PRICKLE2: variants seen among roughly 807,000 people sequenced by gnomAD.
PRICKLE2 encodes the protein prickle planar cell polarity protein 2.
Under a neutral mutation model 81.4 loss-of-function variants are expected in PRICKLE2, and 21 were observed. That is an observed-to-expected ratio of 0.26 (90% confidence interval 0.18 to 0.37). The LOEUF is 0.37. Among genes scored for constraint, PRICKLE2 ranks in the 10% least tolerant of loss-of-function variants. PRICKLE2 has a pLI of 1.00. For synonymous variants in PRICKLE2, 456 were observed against 421.5 expected, an observed-to-expected ratio of 1.08 and a Z score of -1.00; for missense variants, 940 against 1,109.0, an observed-to-expected ratio of 0.85 and a Z score of 2.16.
upstream of PRICKLE2, among the ~76,000 whole-genome samples, chr3:64,226,201 A>G (rs1364624653): frequency 6.6e-6 from 1 of 152,208 alleles, no homozygotes; most frequent in Non-Finnish European, 1.5e-5. Flanking sequence ...GGACTTTTCT[A>G]AAGTCACACC....
chr3:64,219,345 C>G (rs1276499481), intron 1 of PRICKLE2, among the ~76,000 whole-genome samples: 1 of 152,180 alleles, frequency 6.6e-6, no homozygotes, highest in Non-Finnish European at 1.5e-5. Context: ...TAGTTAGAAC[C>G]TGATGTGCAC....
chr3:64,120,122 G>A (rs1171547694), intron 7 of PRICKLE2, among the ~76,000 whole-genome samples: 1 of 152,150 alleles, frequency 6.6e-6, no homozygotes, highest in Non-Finnish European at 1.5e-5. Flanking sequence ...CAGTACCTGG[G>A]TGACAGGAGG....
intron 2 of PRICKLE2, among the ~76,000 whole-genome samples, chr3:64,179,921 G>C (rs116838333): frequency 2.0e-5 from 3 of 152,262 alleles, no homozygotes; most frequent in Non-Finnish European, 4.4e-5. Flanking sequence ...CTAGTCAAAG[G>C]ATTACACTCT....
rs1279379196 is a variant in PRICKLE2 at position 64,096,182 on chromosome 3, G to A, written c.*2869C>T. Reference sequence around the variant, plus strand: ...AGAGGTGGGAAAAATAACAACCAGGGCATTGGAGAAGAGAGAACGCTGGAA... The same window carrying A: ...AGAGGTGGGAAAAATAACAACCAGGACATTGGAGAAGAGAGAACGCTGGAA... On this transcript the variant is annotated 3_prime_UTR_variant, in exon 8 of 8. Transcript: ENST00000638394. 2.6e-5 allele frequency: 4 copies of A among 152,210 alleles called. No homozygotes were observed. The highest frequency in any genetic ancestry group is 4.4e-5 in the Non-Finnish European group (3 of 68,064). 9.4% of individuals were successfully genotyped at this position (152,210 alleles called of 1,614,324 possible). A position where few individuals can be genotyped will look rare whatever the true frequency, so the allele number is the denominator to read the frequency against.
chr3:64,253,718 C>T (rs534831436), intron 2 of PRICKLE2, among the ~76,000 whole-genome samples: 4 of 152,278 alleles, frequency 2.6e-5, no homozygotes, highest in African/African-American at 9.6e-5. Flanking sequence ...TTAAAGAATT[C>T]TTAAACTAAG....
At chr3:64,245,590 C>A (rs1157744634) in intron 2 of PRICKLE2, among the ~76,000 whole-genome samples, 2 of 152,172 alleles carry the variant, frequency 1.3e-5, no homozygotes, top group Non-Finnish European at 2.9e-5. Flanking sequence ...TTGCACTGAG[C>A]AGTTCTGGGG....
In PRICKLE2 at chr3:64,098,776, A is replaced by G. The variant is rs2076605579; in HGVS notation, c.*275T>C. ...CAATTTACCATCTTGAGAGATGGCA[A>G]CTCAACACAGAACTGATGGGAAGGA... On this transcript the variant is annotated 3_prime_UTR_variant, in exon 8 of 8. Transcript: ENST00000638394. 1 of 470,058 alleles carries G rather than the reference A, an allele frequency of 2.1e-6. No homozygotes were observed. Among genetic ancestry groups the G allele is most frequent in the Non-Finnish European group, 3.9e-6 (1 of 257,490 alleles). The allele number at this position is 470,058 out of a possible 1,614,324, so 29.1% of individuals were successfully genotyped here.
At chr3:64,265,585 G>A (rs2079689967) in intron 2 of PRICKLE2, among the ~76,000 whole-genome samples, 1 of 152,138 alleles carries the variant, frequency 6.6e-6, no homozygotes, top group South Asian at 2.1e-4. Context: ...TGCATACACA[G>A]CTACACAAAG....
intron 1 of PRICKLE2, among the ~76,000 whole-genome samples, chr3:64,217,085 C>T (rs996250496): frequency 2.6e-5 from 4 of 152,160 alleles, no homozygotes; most frequent in African/African-American, 9.7e-5. Flanking sequence ...GGAGCACGCA[C>T]TTCATATCCC....
chr3:64,157,078 G>A, intron 5 of PRICKLE2, 84 bp downstream of exon 5: 1 of 1,287,326 alleles, frequency 7.8e-7, no homozygotes, highest in Non-Finnish European at 1.1e-6. Context: ...GCTTTCTTCA[G>A]TGCAGAAAGC....
rs1479204474 is a variant in PRICKLE2, at chr3:64,095,022, T to G, written c.*4029A>C. The G allele has an allele frequency of 6.5e-6, 1 of 152,688 alleles. No individual in the cohort carries two copies. The highest frequency in any genetic ancestry group is 1.5e-5 in the Non-Finnish European group (1 of 68,044). 9.5% of individuals were successfully genotyped at this position (152,688 alleles called of 1,614,324 possible). On this transcript the variant is annotated 3_prime_UTR_variant, in exon 8 of 8. Coordinates refer to ENST00000638394, the MANE Select transcript of PRICKLE2 (RefSeq NM_198859.4). ...ATCTTCCTTCTTAGGCTTAAGCATC[T>G]GTTTTCTGCTAGAAATACACAAAGA...
chr3:64,111,081 T>C (rs2076838592), intron 7 of PRICKLE2, among the ~76,000 whole-genome samples: 2 of 152,118 alleles, frequency 1.3e-5, no homozygotes, highest in Non-Finnish European at 2.9e-5. Context: ...ACCTTCCAGT[T>C]CTGTCCCTTG....
At chr3:64,194,831 C>A (rs1348960978) in intron 2 of PRICKLE2, among the ~76,000 whole-genome samples, 1 of 152,060 alleles carries the variant, frequency 6.6e-6, no homozygotes, top group Non-Finnish European at 1.5e-5. Context: ...TGCTTGAGGT[C>A]AGGAGTTCAA....
At chr3:64,160,146 T>C in intron 3 of PRICKLE2, 69 bp from the exon 4 acceptor site, 3 of 1,541,738 alleles carry the variant, frequency 1.9e-6, no homozygotes, top group Non-Finnish European at 2.7e-6. Context: ...AGCCCATGAC[T>C]CTGAGTTTTC....
chr3:64,198,021 C>T (rs956943191), intron 2 of PRICKLE2, among the ~76,000 whole-genome samples: 1 of 151,832 alleles, frequency 6.6e-6, no homozygotes, highest in African/African-American at 2.4e-5. Context: ...ACCATCCTGG[C>T]TATCATGGTG....
intron 5 of PRICKLE2, chr3:64,154,079 A>G (rs2077588585): frequency 6.5e-6 from 1 of 152,746 alleles, no homozygotes; most frequent in African/African-American, 2.4e-5. Context: ...ATAGATGAAT[A>G]GGTATCCAGA....
chr3:64,250,768 G>A (rs762486156), intron 2 of PRICKLE2, among the ~76,000 whole-genome samples: 2 of 152,156 alleles, frequency 1.3e-5, no homozygotes, highest in Non-Finnish European at 2.9e-5. Context: ...TCCTAGCACA[G>A]AGTGAAACCC....
chr3:64,092,804 T>C lies in PRICKLE2; in HGVS notation c.*6247A>G, dbSNP rs1343801963. The stretch of plus-strand genomic sequence containing the variant: ...AGGAACAAAGACACTAAGAAGGCAA[T>C]GCATTGAAACCAGTGGTTCTCAACA... On this transcript the variant is annotated 3_prime_UTR_variant, in exon 8 of 8. Transcript: ENST00000638394. 6.6e-6 allele frequency: 1 copy of C among 152,222 alleles called. No homozygotes were observed. Among genetic ancestry groups the C allele is most frequent in the Non-Finnish European group, 1.5e-5 (1 of 68,028 alleles). 9.4% of individuals were successfully genotyped at this position (152,222 alleles called of 1,614,324 possible). A position where few individuals can be genotyped will look rare whatever the true frequency, so the allele number is the denominator to read the frequency against.
intron 2 of PRICKLE2, among the ~76,000 whole-genome samples, chr3:64,196,450 G>T (rs1391254537): frequency 6.6e-6 from 1 of 152,152 alleles, no homozygotes; most frequent in Non-Finnish European, 1.5e-5. Context: ...TGGTAGAATG[G>T]CAATGTCAAA....
Sources: allele counts gnomAD v4.1 joint callset (sites outside exome capture counted in the v4.1 genomes callset), GRCh38; gene constraint gnomAD v4.1.1; transcripts MANE v1.5; gene names NCBI Gene and HGNC (gene_info 2026-07-23, HGNC 2026-07-21).